The following MRPS11 variants were observed in gnomAD, a reference collection of about 807,000 sequenced individuals.
MRPS11 encodes mitochondrial ribosomal protein S11, also known as small ribosomal subunit protein uS11m.
In MRPS11, 27 loss-of-function variants were observed where a neutral mutation model predicts 24.3. The ratio of observed to expected loss-of-function variants is 1.11; its 90% CI spans 0.82 to 1.53. The LOEUF is 1.53. MRPS11 is among the 40% of genes most tolerant of loss of function. The pLI is 0.00. For missense variants in MRPS11, 277 were observed against 256.5 expected, an observed-to-expected ratio of 1.08 and a Z score of -0.55; for synonymous variants, 104 against 98.7, an observed-to-expected ratio of 1.05 and a Z score of -0.32.
chr15:88,478,213 G>A lies in MRPS11; in HGVS notation c.*234G>A, dbSNP rs957932397. 27 of 559,524 alleles carry A rather than the reference G, an allele frequency of 4.8e-5. No homozygotes were observed. In the African/African-American group the frequency reaches 5.1e-4, roughly 11 times the overall value. The allele number at this position is 559,524 out of a possible 1,614,324, so 34.7% of individuals were successfully genotyped here. ...AGAGGGGAGCTACAGGGGCAGCCGT[G>A]GCCTAGGCCCAAACTCTGCTCTGAG... On this transcript the variant is annotated 3_prime_UTR_variant, in exon 6 of 6. Coordinates refer to ENST00000325844, the MANE Select transcript of MRPS11 (RefSeq NM_022839.5). This position sits in a 1 kb window ranked among gnomAD's most constrained non-coding sequence, Gnocchi z 4.7.
chr15:88,472,056 T>G (rs1181347506), intron 2 of MRPS11, among the ~76,000 whole-genome samples: 1 of 152,200 alleles, frequency 6.6e-6, no homozygotes, highest in African/African-American at 2.4e-5. Context: ...GTACCTGTTG[T>G]TGGGATATAG....
At chr15:88,471,632 A>G (rs9920725) in intron 2 of MRPS11, among the ~76,000 whole-genome samples, 10,260 of 152,176 alleles carry the variant, frequency 0.067, 1,194 homozygotes, top group African/African-American at 0.23. Flanking sequence ...TTGGTACCTA[A>G]TTTTCACCAT....
rs550220661 is a variant in MRPS11 at position 88,478,605 on chromosome 15, A to C, written c.*626A>C. The C allele has an allele frequency of 1.3e-5, 2 of 153,778 alleles. No homozygotes were observed. 9.5% of individuals were successfully genotyped at this position (153,778 alleles called of 1,614,324 possible). ...AGTGGACAGTCAAACTCCCCACACT[A>C]AAGTGGCAGTCATCGTTTACACTCC... On this transcript the variant is annotated 3_prime_UTR_variant, in exon 6 of 6. Coordinates refer to ENST00000325844, the MANE Select transcript of MRPS11 (RefSeq NM_022839.5). The surrounding 1 kb of genome is among the most constrained non-coding windows in gnomAD (Gnocchi z 4.7).
chr15:88,471,979 C>A (rs1282994365), intron 2 of MRPS11, among the ~76,000 whole-genome samples: 1 of 152,230 alleles, frequency 6.6e-6, no homozygotes, highest in African/African-American at 2.4e-5. Flanking sequence ...CTGGGCAAAT[C>A]TGGCCAATTG....
rs769592386 is a variant in MRPS11, at chr15:88,472,644, CAGGAG to C, written c.208_212del (p.Glu70LeufsTer10). On this transcript the variant is annotated frameshift_variant, in exon 3 of 6. Transcript: ENST00000325844. LOFTEE classifies it high-confidence loss of function. Reference sequence around the variant, plus strand: ...AATTGCAGCATTTACCCTCCCATTCCAGGAGAGGAGAGCTCTCTGAGGTGGGCAGG... The same window carrying C: ...AATTGCAGCATTTACCCTCCCATTCCAGGAGAGCTCTCTGAGGTGGGCAGG... 6.2e-7 allele frequency: 1 copy of C among 1,613,528 alleles called. No individual in the cohort carries two copies. Among genetic ancestry groups the C allele is most frequent in the Admixed American group, 1.7e-5 (1 of 60,016 alleles).
rs1220198183 is a variant in MRPS11 at position 88,477,561 on chromosome 15, C to G, written c.478-311C>G. Among the ~76,000 whole-genome samples, 1 of 152,154 alleles carries G rather than the reference C, an allele frequency of 6.6e-6. No individual in the cohort carries two copies. Among genetic ancestry groups the G allele is most frequent in the Non-Finnish European group, 1.5e-5 (1 of 68,032 alleles). On this transcript the variant is annotated intron_variant, in intron 5 of 5. Coordinates refer to ENST00000325844, the MANE Select transcript of MRPS11 (RefSeq NM_022839.5). The surrounding 1 kb of genome is among the most constrained non-coding windows in gnomAD (Gnocchi z 5.7). ...AGGCAGAGAAAACTGCCTGAGTAAGCTACAGAAGTATGATACCCAAGGTGT... is the reference window on the plus strand; with the variant it reads ...AGGCAGAGAAAACTGCCTGAGTAAGGTACAGAAGTATGATACCCAAGGTGT...
In MRPS11 at chr15:88,478,903, C is replaced by T. The variant is rs1173855960; in HGVS notation, c.*924C>T. On this transcript the variant is annotated 3_prime_UTR_variant, in exon 6 of 6. Coordinates refer to ENST00000325844, the MANE Select transcript of MRPS11 (RefSeq NM_022839.5). This position sits in a 1 kb window ranked among gnomAD's most constrained non-coding sequence, Gnocchi z 4.7. ...ACTCTGGAGGCTGAGGCATGAAAAT[C>T]GCTTGAACCCAGGAGGTGGAGGCTG... is the stretch of plus-strand genomic sequence containing the variant. 2.0e-5 allele frequency: 3 copies of T among 152,048 alleles called. No homozygotes were observed. The highest frequency in any genetic ancestry group is 2.9e-5 in the Non-Finnish European group (2 of 68,022). The allele number at this position is 152,048 out of a possible 1,614,324, so 9.4% of individuals were successfully genotyped here.
At chr15:88,470,448 TGAAGA>T (rs770065913) in intron 2 of MRPS11, among the ~76,000 whole-genome samples, 7 of 152,262 alleles carry the variant, frequency 4.6e-5, no homozygotes, top group East Asian at 1.9e-4. Flanking sequence ...TAAATGTAGA[TGAAGA>T]GAAGAGGTCC....
At chr15:88,474,559 C>CA (rs61044753) in intron 3 of MRPS11, among the ~76,000 whole-genome samples, 47 of 138,710 alleles carry the variant, frequency 3.4e-4, no homozygotes, top group East Asian at 6.3e-4. Context: ...AACTCCATCT[C>CA]AAAAAAAAAA....
At chr15:88,468,544 C>A in intron 2 of MRPS11, 1 of 984,504 alleles carries the variant, frequency 1.0e-6, no homozygotes, top group Non-Finnish European at 1.2e-6. Flanking sequence ...TACCAAGAAT[C>A]TACTATGAGT....
intron 4 of MRPS11, among the ~76,000 whole-genome samples, chr15:88,476,326 A>G (rs2055822545): frequency 3.3e-5 from 5 of 152,206 alleles, no homozygotes; most frequent in Admixed American, 3.3e-4. Flanking sequence ...ACTATAGTAC[A>G]GGCCTTACAA....
rs2055650851 is a variant in MRPS11, at chr15:88,469,868, C to T, written c.182+1844C>T. On this transcript the variant is annotated intron_variant, in intron 2 of 5. Transcript: ENST00000325844. The surrounding 1 kb of genome is among the most constrained non-coding windows in gnomAD (Gnocchi z 4.4). Reference sequence around the variant, plus strand: ...TAATATACAGTGTGAGAAAAAGGAGCGAAGGAAGACCCCAAATTTTGTTGG... The same window carrying T: ...TAATATACAGTGTGAGAAAAAGGAGTGAAGGAAGACCCCAAATTTTGTTGG... 6.6e-6 allele frequency among the ~76,000 whole-genome samples: 1 copy of T among 152,038 alleles called. No individual in the cohort carries two copies. The highest frequency in any genetic ancestry group is 2.4e-5 in the African/African-American group (1 of 41,386).
At chr15:88,470,954 G>T (rs1031808956) in intron 2 of MRPS11, among the ~76,000 whole-genome samples, 1 of 152,204 alleles carries the variant, frequency 6.6e-6, no homozygotes, top group African/African-American at 2.4e-5. Context: ...GCAGTATAGA[G>T]GGGAAAAAAC....
chr15:88,467,818 C>T, intron 1 of MRPS11, 36 bp downstream of exon 1: 1 of 1,613,834 alleles, frequency 6.2e-7, no homozygotes, highest in Middle Eastern at 1.7e-4. Context: ...CCACCGCCAC[C>T]TCCAGGACTA....
In MRPS11 at chr15:88,469,619, G is replaced by T. The variant is rs978450445; in HGVS notation, c.182+1595G>T. 4.6e-5 allele frequency among the ~76,000 whole-genome samples: 7 copies of T among 152,180 alleles called. No individual in the cohort carries two copies. Among genetic ancestry groups the T allele is most frequent in the African/African-American group, 1.4e-4 (6 of 41,436 alleles). ...GGCCAATGGAAATTGCTGAATAAAGGGTTGACATGATCTTGCTGACAAGAT... is the reference window on the plus strand; with the variant it reads ...GGCCAATGGAAATTGCTGAATAAAGTGTTGACATGATCTTGCTGACAAGAT... On this transcript the variant is annotated intron_variant, in intron 2 of 5. Coordinates refer to ENST00000325844, the MANE Select transcript of MRPS11 (RefSeq NM_022839.5). The surrounding 1 kb of genome is among the most constrained non-coding windows in gnomAD (Gnocchi z 4.4).
Position 88,480,124 on chromosome 15 carries a change from C to A in MRPS11, c.*2145C>A, listed in dbSNP as rs1314211809. 1 of 152,364 alleles carries A rather than the reference C, an allele frequency of 6.6e-6. No individual in the cohort carries two copies. Among genetic ancestry groups the A allele is most frequent in the East Asian group, 1.9e-4 (1 of 5,202 alleles). 9.4% of individuals were successfully genotyped at this position (152,364 alleles called of 1,614,324 possible). ...GTGTTGTGGTACTTGGAGGCTCAGC[C>A]TCCCAGGCTGCAGAGTGGATCTGGA... is the stretch of plus-strand genomic sequence containing the variant. On this transcript the variant is annotated 3_prime_UTR_variant, in exon 6 of 6. Transcript: ENST00000325844. This position sits in a 1 kb window ranked among gnomAD's most constrained non-coding sequence, Gnocchi z 5.1.
Position 88,475,235 on chromosome 15 carries a change from C to T in MRPS11, c.407C>T (p.Ala136Val), listed in dbSNP as rs779480334. 44 of 1,613,992 alleles carry T rather than the reference C, an allele frequency of 2.7e-5. No homozygotes were observed. Among genetic ancestry groups the T allele is most frequent in the Non-Finnish European group, 3.4e-5 (40 of 1,179,986 alleles). ...IAAQTAGIAA[A>V]ARAKQKGVIH... ...GCACAGACAGCAGGCATAGCCGCAG[C>T]GGCGGTAAGTGTGTGTTCCTTCTGC... is the stretch of plus-strand genomic sequence containing the variant. The change falls in exon 4 of 6, where the codon GCG (alanine) becomes GTG (valine). Residue 136 changes from alanine (A) to valine (V), a missense_variant. Ala to Val is a moderately conservative substitution (Grantham distance 64, BLOSUM62 0). Transcript: ENST00000325844. This position sits in a 1 kb window ranked among gnomAD's most constrained non-coding sequence, Gnocchi z 4.1.
chr15:88,477,128 C>T lies in MRPS11; in HGVS notation c.477+74C>T. On this transcript the variant is annotated intron_variant, in intron 5 of 5. Coordinates refer to ENST00000325844, the MANE Select transcript of MRPS11 (RefSeq NM_022839.5). The surrounding 1 kb of genome is among the most constrained non-coding windows in gnomAD (Gnocchi z 5.7). Reference sequence around the variant, plus strand: ...GAATTTGGGGCTTGAGAGCAGAGTACAGGGAGAGTAGAAAACACCTTTTAG... The same window carrying T: ...GAATTTGGGGCTTGAGAGCAGAGTATAGGGAGAGTAGAAAACACCTTTTAG... The T allele has an allele frequency of 7.3e-7, 1 of 1,376,606 alleles. No homozygotes were observed. The highest frequency in any genetic ancestry group is 1.0e-6 in the Non-Finnish European group (1 of 975,156). The allele number at this position is 1,376,606 out of a possible 1,614,324, so 85.3% of individuals were successfully genotyped here. A position where few individuals can be genotyped will look rare whatever the true frequency, so the allele number is the denominator to read the frequency against.
Position 88,479,779 on chromosome 15 carries a change from G to C in MRPS11, c.*1800G>C, listed in dbSNP as rs2055896276. On this transcript the variant is annotated 3_prime_UTR_variant, in exon 6 of 6. Coordinates refer to ENST00000325844, the MANE Select transcript of MRPS11 (RefSeq NM_022839.5). The stretch of plus-strand genomic sequence containing the variant: ...GTGGACAGAGGGCCCGTAGCCATCA[G>C]ACAGTTCAATCAGGGTCTGAGCAGG... The C allele has an allele frequency of 6.6e-6, 1 of 152,298 alleles. No individual in the cohort carries two copies. The highest frequency in any genetic ancestry group is 2.1e-4 in the South Asian group (1 of 4,838). The allele number at this position is 152,298 out of a possible 1,614,324, so 9.4% of individuals were successfully genotyped here.
Sources: gnomAD v4.1 joint callset for allele counts (sites outside exome capture counted in the v4.1 genomes callset) on GRCh38, gnomAD v4.1.1 for gene constraint, Gnocchi (gnomAD v3.1) non-coding constraint, MANE v1.5 for transcripts, NCBI Gene and HGNC (gene_info 2026-07-23, HGNC 2026-07-21) for gene names.